DOCK7: variants seen among roughly 807,000 people sequenced by gnomAD.
DOCK7 encodes dedicator of cytokinesis protein 7.
A neutral mutation model predicts 271.0 loss-of-function variants in DOCK7; 138 were observed. The ratio of observed to expected loss-of-function variants is 0.51; its 90% CI spans 0.44 to 0.59. The LOEUF (loss-of-function observed/expected upper bound fraction) is 0.59, where lower values mean the gene tolerates loss of function less well. DOCK7 is among the 20% of genes least tolerant of loss of function. The probability of loss-of-function intolerance (pLI) is 0.00; values close to 1 mark genes in which losing one functional copy is unlikely to be tolerated. For synonymous variants in DOCK7, 823 were observed against 876.1 expected, an observed-to-expected ratio of 0.94 and a Z score of 1.07; for missense variants, 2,066 against 2,592.4, an observed-to-expected ratio of 0.80 and a Z score of 4.41.
At chr1:62,628,981 G>A (rs1346596506) in intron 11 of DOCK7, 1 of 152,180 alleles carries the variant, frequency 6.6e-6, no homozygotes, top group Non-Finnish European at 1.5e-5. Context: ...CACACAAAAT[G>A]ATGCTTAATA....
At chr1:62,685,294 G>T (rs1343405618) in intron 1 of DOCK7, among the ~76,000 whole-genome samples, 1 of 152,172 alleles carries the variant, frequency 6.6e-6, no homozygotes, top group African/African-American at 2.4e-5. Context: ...CTGTGCTGGG[G>T]TGTCAAACCC....
At chr1:62,559,355 T>G (rs759488032) in intron 19 of DOCK7, 135 bp from the exon 20 acceptor site, 5 of 569,418 alleles carry the variant, frequency 8.8e-6, no homozygotes, top group South Asian at 8.6e-5. Context: ...CAAACATTGT[T>G]TCCAATTAAA....
intron 42 of DOCK7, 82 bp from the exon 43 acceptor site, chr1:62,487,494 T>TA: frequency 8.2e-7 from 1 of 1,226,344 alleles, no homozygotes; most frequent in South Asian, 1.3e-5. Flanking sequence ...CCATATACCA[T>TA]AAATTCTTCT....
At chr1:62,598,701 T>A (rs763345888) in intron 14 of DOCK7, 1 of 1,600,888 alleles carries the variant, frequency 6.2e-7, no homozygotes, top group Non-Finnish European at 8.6e-7. Context: ...TCCAGACTTT[T>A]GTAGAAAAAC....
intron 19 of DOCK7, among the ~76,000 whole-genome samples, chr1:62,560,698 T>C (rs1421400733): frequency 5.3e-5 from 8 of 152,186 alleles, no homozygotes; most frequent in Non-Finnish European, 1.2e-4. Context: ...CTGTACTTGC[T>C]ACTCATCATC....
chr1:62,589,173 A>G (rs922563221), intron 14 of DOCK7, among the ~76,000 whole-genome samples: 1 of 152,244 alleles, frequency 6.6e-6, no homozygotes, highest in African/African-American at 2.4e-5. Context: ...GTGAACCATC[A>G]TATGAGAGGC....
At chr1:62,620,334 T>A (rs1320504240) in intron 12 of DOCK7, among the ~76,000 whole-genome samples, 7 of 150,624 alleles carry the variant, frequency 4.6e-5, no homozygotes, top group African/African-American at 1.5e-4. Context: ...AATAAATAAA[T>A]AAATAAATAA....
At chr1:62,634,095 A>G (rs1654951835) in intron 9 of DOCK7, among the ~76,000 whole-genome samples, 2 of 152,160 alleles carry the variant, frequency 1.3e-5, no homozygotes, top group Non-Finnish European at 1.5e-5. Flanking sequence ...TACAAAATCT[A>G]TATACTAGCA....
intron 14 of DOCK7, among the ~76,000 whole-genome samples, chr1:62,590,276 G>A (rs1648241338): frequency 6.6e-6 from 1 of 152,196 alleles, no homozygotes; most frequent in East Asian, 1.9e-4. Flanking sequence ...TGCAATAATT[G>A]GAGACAGACT....
At chr1:62,494,552 G>A (rs1178636563) in intron 39 of DOCK7, 85 bp from the exon 40 acceptor site, 2 of 1,334,752 alleles carry the variant, frequency 1.5e-6, no homozygotes, top group East Asian at 2.4e-5. Context: ...AGTTTACCTA[G>A]AAAGGTTTTT....
chr1:62,477,930 A>G, intron 43 of DOCK7, 105 bp from the exon 44 acceptor site: 1 of 1,245,654 alleles, frequency 8.0e-7, no homozygotes, highest in Non-Finnish European at 1.1e-6. Context: ...AAAACATTGC[A>G]AAAAGTTTTA....
chr1:62,631,184 C>CAAAAAAAA, intron 11 of DOCK7, 56 bp downstream of exon 11: 1 of 1,274,624 alleles, frequency 7.8e-7, no homozygotes, highest in Admixed American at 2.5e-5. Flanking sequence ...AACTCCATCT[C>CAAAAAAAA]AAAAAAAAAA....
intron 48 of DOCK7, among the ~76,000 whole-genome samples, chr1:62,462,914 C>CTTTTTTTTTTTT (rs34400688): frequency 1.3e-5 from 1 of 79,350 alleles, no homozygotes. Flanking sequence ...GTAGAAAAAG[C>CTTTTTTTTTTTT]TTTTTTTTTT....
intron 12 of DOCK7, among the ~76,000 whole-genome samples, chr1:62,620,883 CAAAAAAA>C (rs767181280): frequency 3.2e-5 from 1 of 31,140 alleles, no homozygotes; most frequent in Non-Finnish European, 7.9e-5. Context: ...GACTCCGTCT[CAAAAAAA>C]AAAAAAAAAA....
chr1:62,600,020 C>A (rs1397101076), intron 14 of DOCK7, among the ~76,000 whole-genome samples: 1 of 151,784 alleles, frequency 6.6e-6, no homozygotes, highest in Non-Finnish European at 1.5e-5. Context: ...TACCAATTTC[C>A]ACTAAACAAA....
At position 62,537,873 on chromosome 1, in the gene DOCK7, T is replaced by G. The variant is rs931258762; in HGVS notation, c.3471+18A>C. The G allele has an allele frequency of 4.4e-6, 7 of 1,605,644 alleles. No individual in the cohort carries two copies. In the Admixed American group the frequency reaches 1.0e-4, roughly 23 times the overall value. On this transcript the variant is annotated intron_variant, in intron 28 of 49. Coordinates refer to ENST00000635253, the MANE Select transcript of DOCK7 (RefSeq NM_001367561.1). ...AAAAGTGACTTTAAATATATGTATA[T>G]TCACACAATTTGCATACCTGAGATG...
At position 62,539,756 on chromosome 1, in the gene DOCK7, T is replaced by C. The variant is rs1645464876; in HGVS notation, c.3182A>G (p.Gln1061Arg). The C allele has an allele frequency of 5.0e-6, 8 of 1,612,758 alleles. No individual in the cohort carries two copies. Among genetic ancestry groups the C allele is most frequent in the African/African-American group, 1.3e-5 (1 of 74,882 alleles). The change falls in exon 26 of 50, where the codon CAG becomes CGG. Residue 1061 changes from glutamine (Q) to arginine (R), a missense_variant. Physicochemically the swap from Gln to Arg is conservative, Grantham distance 43. Transcript: ENST00000635253. ...TIASDIVSRF[Q>R]KDTEMVERLN... ...TGGGGAAAAAGTTATCATTACCTTCTGAAATCGTGAAACTATATCACTAGC... is the reference window on the plus strand; with the variant it reads ...TGGGGAAAAAGTTATCATTACCTTCCGAAATCGTGAAACTATATCACTAGC...
At chr1:62,576,396 T>C (rs769125164) in intron 18 of DOCK7, among the ~76,000 whole-genome samples, 1 of 152,188 alleles carries the variant, frequency 6.6e-6, no homozygotes, top group Non-Finnish European at 1.5e-5. Context: ...GCAAAGGGCC[T>C]GAAATGCAAA....
chr1:62,594,131 T>C (rs1230338833), intron 14 of DOCK7, among the ~76,000 whole-genome samples: 3 of 152,082 alleles, frequency 2.0e-5, no homozygotes, highest in Non-Finnish European at 4.4e-5. Context: ...AATTTTTTAG[T>C]TTTTACATTA....
Sources: allele counts gnomAD v4.1 joint callset (sites outside exome capture counted in the v4.1 genomes callset), GRCh38; gene constraint gnomAD v4.1.1; transcripts MANE v1.5; gene names NCBI Gene and HGNC (gene_info 2026-07-23, HGNC 2026-07-21).